The following SRD5A2 variants were observed in gnomAD, a reference collection of about 807,000 sequenced individuals.
SRD5A2 encodes 3-oxo-5-alpha-steroid 4-dehydrogenase 2.
Under a neutral mutation model 27.4 loss-of-function variants are expected in SRD5A2, and 30 were observed. That is an observed-to-expected ratio of 1.10 (90% CI 0.82 to 1.49). The LOEUF (loss-of-function observed/expected upper bound fraction) is 1.49, where lower values mean the gene tolerates loss of function less well. SRD5A2 is among the 40% of genes most tolerant of loss of function. The probability of loss-of-function intolerance (pLI) is 0.00; values close to 1 mark genes in which losing one functional copy is unlikely to be tolerated. For synonymous variants in SRD5A2, 141 were observed against 133.6 expected (o/e 1.06, Z -0.38); for missense variants, 348 against 323.4 (o/e 1.08, Z -0.58).
intron 1 of SRD5A2, among the ~76,000 whole-genome samples, chr2:31,534,303 C>T (rs1665979087): frequency 6.6e-6 from 1 of 152,040 alleles, no homozygotes; most frequent in African/African-American, 2.4e-5. Flanking sequence ...GAGTGATAGA[C>T]TCAAAAAAGA....
intron 1 of SRD5A2, among the ~76,000 whole-genome samples, chr2:31,551,318 T>A (rs1666376873): frequency 6.6e-6 from 1 of 152,120 alleles, no homozygotes; most frequent in African/African-American, 2.4e-5. Context: ...CAGAAATTTT[T>A]AAAAAATATA....
chr2:31,601,711 C>T, the SRD5A2 span, among the ~76,000 whole-genome samples: 1 of 152,054 alleles, frequency 6.6e-6, no homozygotes, highest in Non-Finnish European at 1.5e-5. Context: ...AGCTCATCCA[C>T]CATAGTCAAG....
intron 4 of SRD5A2, among the ~76,000 whole-genome samples, chr2:31,528,995 G>T (rs2148063026): frequency 1.3e-5 from 2 of 152,342 alleles, no homozygotes; most frequent in South Asian, 4.1e-4. Context: ...GAAGGTGCAA[G>T]GCACTTCTCG....
At chr2:31,595,121 A>C in the SRD5A2 span, among the ~76,000 whole-genome samples, 6 of 152,192 alleles carry the variant, frequency 3.9e-5, no homozygotes, top group African/African-American at 1.4e-4. Context: ...AAGACCACAA[A>C]TAGACAACCT....
At chr2:31,635,699 T>C in the SRD5A2 span, among the ~76,000 whole-genome samples, 2 of 152,152 alleles carry the variant, frequency 1.3e-5, no homozygotes, top group Admixed American at 6.5e-5. Flanking sequence ...AGATCTTATA[T>C]TTAAGTCTTC....
At chr2:31,566,599 T>C (rs1283035498) in intron 1 of SRD5A2, among the ~76,000 whole-genome samples, 6 of 152,178 alleles carry the variant, frequency 3.9e-5, no homozygotes, top group Admixed American at 1.3e-4. Flanking sequence ...CATGATTGCA[T>C]GTTAAGGGAT....
the SRD5A2 span, among the ~76,000 whole-genome samples, chr2:31,605,895 C>T: frequency 2.6e-5 from 4 of 151,800 alleles, no homozygotes; most frequent in African/African-American, 9.7e-5. Context: ...TTAGAAGCAA[C>T]CTAAATGTCC....
chr2:31,653,534 G>A, the SRD5A2 span, among the ~76,000 whole-genome samples: 1 of 152,064 alleles, frequency 6.6e-6, no homozygotes, highest in Non-Finnish European at 1.5e-5. Context: ...GTCTCTGTAT[G>A]CACCCTGAAT....
At chr2:31,562,048 C>T (rs1240888103) in intron 1 of SRD5A2, among the ~76,000 whole-genome samples, 1 of 152,048 alleles carries the variant, frequency 6.6e-6, no homozygotes, top group African/African-American at 2.4e-5. Flanking sequence ...CTCAGCAAGC[C>T]TATGAAGAGC....
chr2:31,644,122 T>C, the SRD5A2 span, among the ~76,000 whole-genome samples: 4 of 152,318 alleles, frequency 2.6e-5, 1 homozygote, highest in South Asian at 6.2e-4. Flanking sequence ...CATACTGATA[T>C]TGCTGCAACA....
At chr2:31,625,117 T>C in the SRD5A2 span, among the ~76,000 whole-genome samples, 7,511 of 152,354 alleles carry the variant, frequency 0.049, 310 homozygotes, top group Admixed American at 0.13. Context: ...CCAGTGATGA[T>C]GAGCATTTTT....
the SRD5A2 span, among the ~76,000 whole-genome samples, chr2:31,642,560 T>C: frequency 6.6e-6 from 1 of 151,994 alleles, no homozygotes; most frequent in Non-Finnish European, 1.5e-5. Flanking sequence ...TTTACTAGAA[T>C]GTCTGAAAAT....
intron 2 of SRD5A2, among the ~76,000 whole-genome samples, 180 bp downstream of exon 2, chr2:31,533,423 C>G (rs1412528903): frequency 1.3e-5 from 2 of 152,130 alleles, no homozygotes; most frequent in African/African-American, 4.8e-5. Context: ...TGGGAAATGG[C>G]ATGATATGTG....
chr2:31,575,760 A>C (rs1212538467), intron 1 of SRD5A2, among the ~76,000 whole-genome samples: 1 of 152,254 alleles, frequency 6.6e-6, no homozygotes, highest in Non-Finnish European at 1.5e-5. Context: ...ACATTGCCCA[A>C]AACCTTTTCA....
chr2:31,535,609 G>A (rs1199658121), intron 1 of SRD5A2, among the ~76,000 whole-genome samples: 1 of 152,180 alleles, frequency 6.6e-6, no homozygotes, highest in Non-Finnish European at 1.5e-5. Context: ...AATGCTGTCT[G>A]CTGTCTCCCT....
Position 31,569,194 on chromosome 2 carries a change from C to T in SRD5A2, c.281+11426G>A, listed in dbSNP as rs542795429. 1.4e-4 allele frequency among the ~76,000 whole-genome samples: 21 copies of T among 152,394 alleles called. No individual in the cohort carries two copies. In the South Asian group the frequency reaches 3.5e-3, roughly 26 times the overall value. On this transcript the variant is annotated intron_variant, in intron 1 of 4. Transcript: ENST00000622030. The stretch of plus-strand genomic sequence containing the variant: ...AGCCCCAGCCATGCCTCTAACACTG[C>T]AGCCACTCCAGTCAGGCTGCTGCTA...
the SRD5A2 span, among the ~76,000 whole-genome samples, chr2:31,598,654 A>C: frequency 6.6e-6 from 1 of 151,938 alleles, no homozygotes; most frequent in South Asian, 2.1e-4. Context: ...ACCTCACACC[A>C]AAAAACTTAC....
chr2:31,656,703 G>A, the SRD5A2 span, among the ~76,000 whole-genome samples: 1 of 152,120 alleles, frequency 6.6e-6, no homozygotes, highest in African/African-American at 2.4e-5. Flanking sequence ...TGAACCTACA[G>A]TCACCTTGAT....
chr2:31,528,093 C>G (rs1665822019), intron 4 of SRD5A2, among the ~76,000 whole-genome samples: 1 of 152,218 alleles, frequency 6.6e-6, no homozygotes, highest in African/African-American at 2.4e-5. Flanking sequence ...TTTGTCCCCA[C>G]TCCACCCCAG....
Sources: gnomAD v4.1 joint callset for allele counts (sites outside exome capture counted in the v4.1 genomes callset) on GRCh38, gnomAD v4.1.1 for gene constraint, MANE v1.5 for transcripts, NCBI Gene and HGNC (gene_info 2026-07-23, HGNC 2026-07-21) for gene names.